Variants in SCAPER observed in about 807,000 individuals in gnomAD.
SCAPER encodes the protein S phase cyclin A-associated protein in the endoplasmic reticulum.
SCAPER carries 98 observed loss-of-function variants against 182.2 expected under a neutral mutation model. The observed-to-expected ratio is 0.54, with a 90% CI of 0.46 to 0.64. The LOEUF (loss-of-function observed/expected upper bound fraction) is 0.64. Among genes scored for constraint, SCAPER ranks in the 30% least tolerant of loss-of-function variants. The probability of loss-of-function intolerance (pLI) is 0.00; values close to 1 mark genes in which losing one functional copy is unlikely to be tolerated. For synonymous variants in SCAPER, 605 were observed against 564.6 expected (o/e 1.07, Z -1.01); for missense variants, 1,432 against 1,690.0 (o/e 0.85, Z 2.68).
chr15:76,590,453 C>T (rs2049021935), intron 22 of SCAPER, among the ~76,000 whole-genome samples: 1 of 151,986 alleles, frequency 6.6e-6, no homozygotes, highest in Non-Finnish European at 1.5e-5. Flanking sequence ...AATCAGAATG[C>T]ACATAGACTT....
rs571296940 is a variant in SCAPER at position 76,733,586 on chromosome 15, T to TAA, written c.1867-204_1867-203dup. ...CAATATGGTGAAACCCCATCTCTAC[T>TAA]AAAAAAAAAAAAGAAAAAATAGCCA... On this transcript the variant is annotated intron_variant, in intron 15 of 31. Transcript: ENST00000563290. Among the ~76,000 whole-genome samples, 5 of 138,414 alleles carry TAA rather than the reference T, an allele frequency of 3.6e-5. No homozygotes were observed. In the East Asian group the frequency reaches 6.2e-4, roughly 17 times the overall value. The allele number at this position is 138,414 out of a possible 152,430, so 90.8% of individuals were successfully genotyped here. A position where few individuals can be genotyped will look rare whatever the true frequency, so the allele number is the denominator to read the frequency against.
intron 8 of SCAPER, among the ~76,000 whole-genome samples, chr15:76,790,003 C>T (rs1026224547): frequency 2.1e-4 from 32 of 151,946 alleles, no homozygotes; most frequent in East Asian, 3.9e-4. Context: ...CTGAGGCGGG[C>T]GGATCACGAG....
intron 14 of SCAPER, among the ~76,000 whole-genome samples, chr15:76,755,579 G>A (rs2151204734): frequency 6.6e-6 from 1 of 152,274 alleles, no homozygotes; most frequent in East Asian, 1.9e-4. Context: ...GGTACTTGTA[G>A]TATGGAGCCT....
chr15:76,612,436 G>A (rs775193895), intron 22 of SCAPER, among the ~76,000 whole-genome samples: 6 of 152,068 alleles, frequency 3.9e-5, no homozygotes, highest in Non-Finnish European at 8.8e-5. Context: ...AAAGGGTTTT[G>A]CTATGTTGCC....
chr15:76,700,575 T>C (rs1028059725), intron 20 of SCAPER, among the ~76,000 whole-genome samples: 6 of 152,148 alleles, frequency 3.9e-5, no homozygotes, highest in Non-Finnish European at 4.4e-5. Context: ...ATGCCTTCCT[T>C]AGGAAGATCT....
At chr15:76,683,785 A>C (rs778681752) in intron 20 of SCAPER, among the ~76,000 whole-genome samples, 7 of 152,154 alleles carry the variant, frequency 4.6e-5, no homozygotes, top group Non-Finnish European at 1.0e-4. Flanking sequence ...TCTTAAAGAA[A>C]AAGAAATTCC....
intron 26 of SCAPER, among the ~76,000 whole-genome samples, chr15:76,427,863 G>T (rs147093907): frequency 2.6e-5 from 4 of 151,500 alleles, no homozygotes; most frequent in South Asian, 2.1e-4. Context: ...AACCTGGGTA[G>T]CAGAGGTTGC....
intron 22 of SCAPER, among the ~76,000 whole-genome samples, chr15:76,616,501 ATAGT>A (rs2051497973): frequency 6.6e-6 from 1 of 152,192 alleles, no homozygotes; most frequent in Non-Finnish European, 1.5e-5. Context: ...TTTAATGGGT[ATAGT>A]TATAGTTTTA....
chr15:76,789,518 T>G (rs1311223067), intron 8 of SCAPER, among the ~76,000 whole-genome samples: 1 of 152,196 alleles, frequency 6.6e-6, no homozygotes, highest in Non-Finnish European at 1.5e-5. Flanking sequence ...AATTAATATT[T>G]AAAGCAGTCA....
chr15:76,535,295 G>A lies in SCAPER; in HGVS notation c.2839-30321C>T, dbSNP rs1027699206. Among the ~76,000 whole-genome samples the A allele has an allele frequency of 1.3e-4, 20 of 151,712 alleles. No homozygotes were observed. In the East Asian group the frequency reaches 1.6e-3, roughly 12 times the overall value. ...TCCCAGCACTTTGGGAGGCCGAGGC[G>A]GGCGGATCACAAGGTCAGGAGATCG... On this transcript the variant is annotated intron_variant, in intron 23 of 31. Transcript: ENST00000563290.
Position 76,706,187 on chromosome 15 carries a change from G to T in SCAPER, c.2166-203C>A, listed in dbSNP as rs190873140. On this transcript the variant is annotated intron_variant, in intron 17 of 31. Transcript: ENST00000563290. ...CAATAGAGATTATCAGTTATGAAAT[G>T]GGTTTCTGGACCCAGGCATGGCTTT... 3.4e-3 allele frequency among the ~76,000 whole-genome samples: 515 copies of T among 152,176 alleles called. 3 individuals carry two copies. The highest frequency in any genetic ancestry group is 5.6e-3 in the Non-Finnish European group (384 of 67,990).
In SCAPER at chr15:76,348,725, C is replaced by G. The variant is rs867557475; in HGVS notation, c.4111G>C (p.Gly1371Arg). 6.6e-7 allele frequency: 1 copy of G among 1,524,300 alleles called. No individual in the cohort carries two copies. Among genetic ancestry groups the G allele is most frequent in the African/African-American group, 1.4e-5 (1 of 72,692 alleles). The allele number at this position is 1,524,300 out of a possible 1,614,324, so 94.4% of individuals were successfully genotyped here. A position where few individuals can be genotyped will look rare whatever the true frequency, so the allele number is the denominator to read the frequency against. Residue 1371 changes from glycine to arginine, a missense_variant, in exon 32 of 32, where the codon GGT becomes CGT. By Grantham distance (125) the Gly-to-Arg change is moderately radical. Transcript: ENST00000563290. ...QPYQPKGKCL[G>R]SQDYLELANR... ...GCCAGCTCAAGATAGTCTTGGGAAC[C>G]AAGGCATTTCCCTGAGAGGGGGATA...
intron 29 of SCAPER, among the ~76,000 whole-genome samples, chr15:76,369,410 C>A (rs923937730): frequency 1.3e-5 from 2 of 152,232 alleles, no homozygotes; most frequent in African/African-American, 4.8e-5. Flanking sequence ...AACAGATTCA[C>A]TTCTTAAGTA....
intron 27 of SCAPER, among the ~76,000 whole-genome samples, chr15:76,400,326 T>C (rs2044371941): frequency 6.6e-6 from 1 of 152,222 alleles, no homozygotes; most frequent in Non-Finnish European, 1.5e-5. Flanking sequence ...GTAGCCAAAA[T>C]AGACATTATG....
intron 26 of SCAPER, among the ~76,000 whole-genome samples, chr15:76,419,937 C>T (rs926673930): frequency 6.6e-6 from 1 of 152,114 alleles, no homozygotes; most frequent in Non-Finnish European, 1.5e-5. Flanking sequence ...AGATCATTCA[C>T]TGTAATTAGT....
chr15:76,793,371 C>T, intron 8 of SCAPER: 1 of 663,816 alleles, frequency 1.5e-6, no homozygotes, highest in African/African-American at 1.8e-5. Flanking sequence ...CCCTAGGTGG[C>T]TTCAGGATGG....
chr15:76,792,396 GC>G (rs2065058591), intron 8 of SCAPER, among the ~76,000 whole-genome samples: 1 of 152,092 alleles, frequency 6.6e-6, no homozygotes. Context: ...TAGATTGTGG[GC>G]TCTGGTAGAT....
chr15:76,360,062 A>G (rs1243779490), intron 29 of SCAPER, among the ~76,000 whole-genome samples: 1 of 152,212 alleles, frequency 6.6e-6, no homozygotes, highest in Middle Eastern at 3.2e-3. Context: ...CTCTTACCCT[A>G]GAAGGAAATT....
intron 24 of SCAPER, among the ~76,000 whole-genome samples, chr15:76,490,880 T>C (rs1237103438): frequency 6.6e-6 from 1 of 152,184 alleles, no homozygotes; most frequent in Non-Finnish European, 1.5e-5. Context: ...CTCAACACCA[T>C]TTGTTGAAGA....
Sources: allele counts gnomAD v4.1 joint callset (sites outside exome capture counted in the v4.1 genomes callset), GRCh38; gene constraint gnomAD v4.1.1; transcripts MANE v1.5; gene names NCBI Gene and HGNC (gene_info 2026-07-23, HGNC 2026-07-21).